RASSF2: variants seen among roughly 807,000 people sequenced by gnomAD.
RASSF2 encodes Ras association domain family member 2.
In RASSF2, 34 loss-of-function variants were observed where a neutral mutation model predicts 46.3. The ratio of observed to expected loss-of-function variants is 0.73; its 90% CI spans 0.56 to 0.98. The LOEUF (loss-of-function observed/expected upper bound fraction) is 0.98, where lower values mean the gene tolerates loss of function less well. Among genes scored for constraint, RASSF2 ranks in the 50% least tolerant of loss-of-function variants. The pLI, the probability that RASSF2 is intolerant of heterozygous loss-of-function variation, is 0.00. For synonymous variants in RASSF2, 158 were observed against 162.5 expected (o/e 0.97, Z 0.21); for missense variants, 364 against 431.2 (o/e 0.84, Z 1.38).
At chr20:4,816,731 T>G (rs1212859583) in intron 2 of RASSF2, among the ~76,000 whole-genome samples, 2 of 152,208 alleles carry the variant, frequency 1.3e-5, no homozygotes, top group Admixed American at 6.5e-5. Context: ...CTATTGACAT[T>G]TTACCATACA....
At chr20:4,801,428 A>G (rs1449588365) in intron 2 of RASSF2, among the ~76,000 whole-genome samples, 1 of 152,210 alleles carries the variant, frequency 6.6e-6, no homozygotes, top group Non-Finnish European at 1.5e-5. Flanking sequence ...GGACAGCCCG[A>G]TTCTACTGAG....
chr20:4,793,799 A>T (rs565080008), intron 5 of RASSF2, among the ~76,000 whole-genome samples: 1 of 152,274 alleles, frequency 6.6e-6, no homozygotes, highest in African/African-American at 2.4e-5. Flanking sequence ...TTCTTAAGAC[A>T]GCAGTCTAGG....
chr20:4,797,782 C>G (rs1185496458), intron 4 of RASSF2, among the ~76,000 whole-genome samples: 5 of 152,178 alleles, frequency 3.3e-5, no homozygotes, highest in Non-Finnish European at 7.3e-5. Context: ...AGCCCTGCCA[C>G]ATTTCTACAG....
At position 4,780,618 on chromosome 20, in the gene RASSF2, C is replaced by T. The variant is rs978484404; in HGVS notation, c.*3655G>A. On this transcript the variant is annotated 3_prime_UTR_variant, in exon 12 of 12. Transcript: ENST00000379400. ...GTGATCTCCTGTCTCCTATCTCATT[C>T]TTCACGTCATGGTTTGGCCGCTGTA... 1 of 152,210 alleles carries T rather than the reference C, an allele frequency of 6.6e-6. No individual in the cohort carries two copies. The highest frequency in any genetic ancestry group is 2.4e-5 in the African/African-American group (1 of 41,448). 9.4% of individuals were successfully genotyped at this position (152,210 alleles called of 1,614,324 possible). A position where few individuals can be genotyped will look rare whatever the true frequency, so the allele number is the denominator to read the frequency against.
intron 4 of RASSF2, among the ~76,000 whole-genome samples, chr20:4,796,723 T>C (rs1007508706): frequency 2.0e-5 from 3 of 152,266 alleles, no homozygotes; most frequent in Non-Finnish European, 2.9e-5. Flanking sequence ...GACTCGCTTA[T>C]GACTATGAAA....
Position 4,784,080 on chromosome 20 carries a change from G to T in RASSF2, c.*193C>A. On this transcript the variant is annotated 3_prime_UTR_variant, in exon 12 of 12. Transcript: ENST00000379400. ...CAAAAGTCCTTGTGAGCAGAAAAAAGGAGGGCAGGGGTCCAGGGATAGGGA... is the reference window on the plus strand; with the variant it reads ...CAAAAGTCCTTGTGAGCAGAAAAAATGAGGGCAGGGGTCCAGGGATAGGGA... 1.6e-6 allele frequency: 1 copy of T among 611,000 alleles called. No homozygotes were observed. Among genetic ancestry groups the T allele is most frequent in the South Asian group, 2.0e-5 (1 of 49,810 alleles). The allele number at this position is 611,000 out of a possible 1,614,324, so 37.8% of individuals were successfully genotyped here.
chr20:4,808,607 C>T lies in RASSF2; in HGVS notation c.-32-7545G>A, dbSNP rs557236273. On this transcript the variant is annotated intron_variant, in intron 2 of 11. Transcript: ENST00000379400. ...GCTCAAGTGATTCTCTCACCTCAGC[C>T]TTCTGAGTAGCTGGGACCACAGGTA... Among the ~76,000 whole-genome samples the T allele has an allele frequency of 5.9e-5, 9 of 151,742 alleles. No homozygotes were observed. In the South Asian group the frequency reaches 1.9e-3, roughly 32 times the overall value.
chr20:4,790,702 T>C lies in RASSF2; in HGVS notation c.377-91A>G. The C allele has an allele frequency of 1.1e-6, 1 of 926,500 alleles. No individual in the cohort carries two copies. The highest frequency in any genetic ancestry group is 1.5e-6 in the Non-Finnish European group (1 of 645,918). The allele number at this position is 926,500 out of a possible 1,614,324, so 57.4% of individuals were successfully genotyped here. A position where few individuals can be genotyped will look rare whatever the true frequency, so the allele number is the denominator to read the frequency against. On this transcript the variant is annotated intron_variant, in intron 6 of 11. Transcript: ENST00000379400. The surrounding 1 kb of genome is among the most constrained non-coding windows in gnomAD (Gnocchi z 4.3). Reference sequence around the variant, plus strand: ...TTGTGGCCAGTGCGACAGCACCCACTGTCTCCACAAATATATATTTTATAC... The same window carrying C: ...TTGTGGCCAGTGCGACAGCACCCACCGTCTCCACAAATATATATTTTATAC...
intron 6 of RASSF2, among the ~76,000 whole-genome samples, chr20:4,791,261 T>C (rs1460681381): frequency 6.6e-6 from 1 of 152,044 alleles, no homozygotes; most frequent in Non-Finnish European, 1.5e-5. Context: ...GAGAGAAGGA[T>C]GTGGGGAGCT....
At position 4,783,057 on chromosome 20, in the gene RASSF2, T is replaced by C. The variant is rs1924980750; in HGVS notation, c.*1216A>G. On this transcript the variant is annotated 3_prime_UTR_variant, in exon 12 of 12. Transcript: ENST00000379400. Reference sequence around the variant, plus strand: ...TCAGAGGAGCTGAGGAGAAGCTCCATCCTCCCCATGCACCTTCACCAGGTG... The same window carrying C: ...TCAGAGGAGCTGAGGAGAAGCTCCACCCTCCCCATGCACCTTCACCAGGTG... The C allele has an allele frequency of 2.0e-5, 3 of 152,216 alleles. No individual in the cohort carries two copies. The highest frequency in any genetic ancestry group is 2.1e-4 in the South Asian group (1 of 4,832). 9.4% of individuals were successfully genotyped at this position (152,216 alleles called of 1,614,324 possible). A position where few individuals can be genotyped will look rare whatever the true frequency, so the allele number is the denominator to read the frequency against.
At chr20:4,804,520 G>A (rs1055485275) in intron 2 of RASSF2, among the ~76,000 whole-genome samples, 1 of 152,022 alleles carries the variant, frequency 6.6e-6, no homozygotes, top group Non-Finnish European at 1.5e-5. Flanking sequence ...TGTATTTTTA[G>A]TGGAGACGGG....
chr20:4,786,212 C>T lies in RASSF2; in HGVS notation c.911+19G>A. 6.3e-7 allele frequency: 1 copy of T among 1,578,228 alleles called. No individual in the cohort carries two copies. The highest frequency in any genetic ancestry group is 8.7e-7 in the Non-Finnish European group (1 of 1,147,636). On this transcript the variant is annotated intron_variant, in intron 11 of 11. Coordinates refer to ENST00000379400, the MANE Select transcript of RASSF2 (RefSeq NM_014737.3). ...GGCCCCAGGAGAAGTGCACCCAGTGCCCCAGAAGCCACACTTACTTGCGCA... is the reference window on the plus strand; with the variant it reads ...GGCCCCAGGAGAAGTGCACCCAGTGTCCCAGAAGCCACACTTACTTGCGCA...
chr20:4,792,776 C>G, intron 5 of RASSF2, 149 bp from the exon 6 acceptor site: 1 of 1,430,196 alleles, frequency 7.0e-7, no homozygotes, highest in Non-Finnish European at 9.2e-7. Context: ...ATGAAGGGTG[C>G]AGATGGGCTG....
chr20:4,792,734 G>C lies in RASSF2; in HGVS notation c.288-107C>G. 2.7e-6 allele frequency: 4 copies of C among 1,480,732 alleles called. No individual in the cohort carries two copies. The South Asian group carries it at 5.5e-5, about 21-fold the overall frequency. 91.7% of individuals were successfully genotyped at this position (1,480,732 alleles called of 1,614,324 possible). On this transcript the variant is annotated intron_variant, in intron 5 of 11. Transcript: ENST00000379400. ...CTCCTGAAAGGGGAGCACTTTGCTAGTGCCAGGCTGGGTACTGGCACACAT... is the reference window on the plus strand; with the variant it reads ...CTCCTGAAAGGGGAGCACTTTGCTACTGCCAGGCTGGGTACTGGCACACAT...
At chr20:4,815,996 TTTTTG>T (rs1412222020) in intron 2 of RASSF2, among the ~76,000 whole-genome samples, 1 of 152,184 alleles carries the variant, frequency 6.6e-6, no homozygotes, top group African/African-American at 2.4e-5. Context: ...AAATAAACAT[TTTTTG>T]TTTTATTTTT....
chr20:4,786,784 G>A (rs746522452), intron 10 of RASSF2, among the ~76,000 whole-genome samples: 1 of 152,130 alleles, frequency 6.6e-6, no homozygotes, highest in Non-Finnish European at 1.5e-5. Context: ...TATGGGGTGA[G>A]TTAAAGTTTA....
chr20:4,796,427 A>G (rs193146411), intron 4 of RASSF2, among the ~76,000 whole-genome samples: 7 of 152,318 alleles, frequency 4.6e-5, no homozygotes, highest in Admixed American at 4.6e-4. Context: ...TTAAAGCAAC[A>G]TTTGCCGAAG....
At chr20:4,785,153 T>TAAAA (rs1925200139) in intron 11 of RASSF2, among the ~76,000 whole-genome samples, 1 of 17,704 alleles carries the variant, frequency 5.6e-5, no homozygotes, top group African/African-American at 2.6e-4. Context: ...CTACTAAAAA[T>TAAAA]ACAAAAAAAA....
In RASSF2 at chr20:4,780,175, T is replaced by C. The variant is rs374321310; in HGVS notation, c.*4098A>G. The C allele has an allele frequency of 3.3e-5, 5 of 152,354 alleles. No homozygotes were observed. The South Asian group carries it at 1.0e-3, about 32-fold the overall frequency. 9.4% of individuals were successfully genotyped at this position (152,354 alleles called of 1,614,324 possible). A position where few individuals can be genotyped will look rare whatever the true frequency, so the allele number is the denominator to read the frequency against. On this transcript the variant is annotated 3_prime_UTR_variant, in exon 12 of 12. Coordinates refer to ENST00000379400, the MANE Select transcript of RASSF2 (RefSeq NM_014737.3). ...CAGTGTGTAAGTTCAGAACCAAACG[T>C]TGAATCAAGTCATGTACCATCGCTG...
Sources: allele counts gnomAD v4.1 joint callset (sites outside exome capture counted in the v4.1 genomes callset), GRCh38; gene constraint gnomAD v4.1.1; non-coding constraint Gnocchi (gnomAD v3.1); transcripts MANE v1.5; gene names NCBI Gene and HGNC (gene_info 2026-07-23, HGNC 2026-07-21).